The following SPATA9 variants were observed in gnomAD, a reference collection of about 807,000 sequenced individuals.
The protein encoded by SPATA9 is spermatogenesis associated 9.
In SPATA9, 27 loss-of-function variants were observed where a neutral mutation model predicts 25.5. The observed-to-expected ratio is 1.06, with a 90% CI of 0.78 to 1.46. The LOEUF (loss-of-function observed/expected upper bound fraction) is 1.46. Among genes scored for constraint, SPATA9 ranks in the 40% most tolerant of loss-of-function variants. The pLI, the probability that SPATA9 is intolerant of heterozygous loss-of-function variation, is 0.00. For missense variants in SPATA9, 282 were observed against 297.5 expected, an observed-to-expected ratio of 0.95 and a Z score of 0.38; for synonymous variants, 102 against 105.7, an observed-to-expected ratio of 0.97 and a Z score of 0.21.
rs1751842003 is a variant in SPATA9, at chr5:95,666,707, G to A, written c.379-2659C>T. On this transcript the variant is annotated intron_variant, in intron 3 of 4. Transcript: ENST00000274432. ...AAAAGGAAACAATTATCCTAGCAAG[G>A]GTGAGAATTAGTGACTGTAAGGCAG... Among the ~76,000 whole-genome samples the A allele has an allele frequency of 2.0e-5, 3 of 148,296 alleles. No homozygotes were observed. In the Admixed American group the frequency reaches 2.0e-4, roughly 10 times the overall value.
the SPATA9 span, chr5:95,730,811 T>C: frequency 6.7e-6 from 3 of 445,118 alleles, no homozygotes; most frequent in Admixed American, 7.4e-5. Flanking sequence ...TGCAGCAGCA[T>C]GAATGTTGCC....
At chr5:95,717,353 A>C in the SPATA9 span, among the ~76,000 whole-genome samples, 1 of 152,210 alleles carries the variant, frequency 6.6e-6, no homozygotes, top group Admixed American at 6.5e-5. Flanking sequence ...ATTCCTTAAA[A>C]TAAATCTCTC....
chr5:95,658,769 C>T lies in SPATA9; in HGVS notation c.619G>A (p.Glu207Lys), dbSNP rs1338872444. The change falls in exon 5 of 5, where the codon GAA (glutamate) becomes AAA (lysine). Residue 207 changes from glutamate to lysine, a missense_variant. Coordinates refer to ENST00000274432, the MANE Select transcript of SPATA9 (RefSeq NM_031952.4). ...VLSEPMFAEGEIKAKPYRSLP... is the reference protein window; with the variant it reads ...VLSEPMFAEGKIKAKPYRSLP... The stretch of plus-strand genomic sequence containing the variant: ...GACCTATAAGGTTTTGCTTTGATTT[C>T]ACCTTCAGCAAACATAGGCTCCGAA... The T allele has an allele frequency of 6.2e-7, 1 of 1,613,908 alleles. No homozygotes were observed. The highest frequency in any genetic ancestry group is 1.7e-5 in the Admixed American group (1 of 59,992).
the SPATA9 span, among the ~76,000 whole-genome samples, chr5:95,729,573 T>C: frequency 4.6e-5 from 7 of 152,230 alleles, no homozygotes; most frequent in Non-Finnish European, 8.8e-5. Flanking sequence ...TTCAGTTCTA[T>C]AGTTCAGTAT....
chr5:95,682,916 C>A lies in SPATA9; in HGVS notation c.-62G>T. The A allele has an allele frequency of 7.0e-7, 1 of 1,438,148 alleles. No homozygotes were observed. 89.1% of individuals were successfully genotyped at this position (1,438,148 alleles called of 1,614,324 possible). On this transcript the variant is annotated 5_prime_UTR_variant, in exon 1 of 5. In the 5' UTR this introduces an upstream ATG that the reference lacks. Transcript: ENST00000274432. ...CTTGCAGGCCTGGGTAATGCTTGTC[C>A]TAGTCTGCCATTAGTGAAAGATGAG... is the stretch of plus-strand genomic sequence containing the variant.
At chr5:95,690,605 G>T (rs4464720) in intron 1 of SPATA9, among the ~76,000 whole-genome samples, 1 of 151,970 alleles carries the variant, frequency 6.6e-6, no homozygotes. Context: ...CTAATCTAGT[G>T]GTCAATATTG....
the SPATA9 span, among the ~76,000 whole-genome samples, chr5:95,710,235 T>C: frequency 1.3e-5 from 2 of 152,134 alleles, no homozygotes; most frequent in South Asian, 2.1e-4. Flanking sequence ...ATCTTGAAGA[T>C]TGGGTGGGCC....
chr5:95,711,603 G>A, the SPATA9 span, among the ~76,000 whole-genome samples: 156 of 152,292 alleles, frequency 1.0e-3, 2 homozygotes, highest in Middle Eastern at 6.8e-3. Context: ...CACAGGGGAC[G>A]TCGTCAAGGA....
chr5:95,671,667 C>T, intron 3 of SPATA9, among the ~76,000 whole-genome samples: 1 of 152,120 alleles, frequency 6.6e-6, no homozygotes, highest in Non-Finnish European at 1.5e-5. Flanking sequence ...CCTCAGCCTC[C>T]CAAAGTGCTG....
At chr5:95,682,667 A>G (rs770840419) in intron 1 of SPATA9, 51 bp from the exon 2 acceptor site, 1 of 1,536,870 alleles carries the variant, frequency 6.5e-7, no homozygotes, top group East Asian at 2.2e-5. Flanking sequence ...CATCCCCTAA[A>G]TGTTTCAAAA....
the SPATA9 span, among the ~76,000 whole-genome samples, chr5:95,729,851 T>C: frequency 6.6e-6 from 1 of 152,236 alleles, no homozygotes; most frequent in Non-Finnish European, 1.5e-5. Flanking sequence ...AGGAATTTTC[T>C]TCTTTTTTAA....
chr5:95,664,317 T>A (rs1001735921), intron 3 of SPATA9, among the ~76,000 whole-genome samples: 1 of 152,194 alleles, frequency 6.6e-6, no homozygotes, highest in African/African-American at 2.4e-5. Context: ...TTACCAACTG[T>A]GCACACTAGG....
chr5:95,705,912 TC>T, the SPATA9 span, among the ~76,000 whole-genome samples: 1 of 152,192 alleles, frequency 6.6e-6, no homozygotes, highest in African/African-American at 2.4e-5. Flanking sequence ...TTTTTGATAT[TC>T]CAAAAGGATT....
At chr5:95,731,852 C>T in the SPATA9 span, 2 of 1,608,428 alleles carry the variant, frequency 1.2e-6, no homozygotes, top group East Asian at 2.2e-5. Flanking sequence ...CCCCTCTGTC[C>T]GTGCAGGTCC....
chr5:95,666,509 A>G (rs1751817481), intron 3 of SPATA9, among the ~76,000 whole-genome samples: 1 of 152,194 alleles, frequency 6.6e-6, no homozygotes, highest in Non-Finnish European at 1.5e-5. Context: ...TTTTAGTAAA[A>G]TGTCTGTGCA....
chr5:95,683,433 T>C (rs1753615466), upstream of SPATA9, among the ~76,000 whole-genome samples: 1 of 152,224 alleles, frequency 6.6e-6, no homozygotes. Flanking sequence ...ACCCTCCTAG[T>C]ACCCTCACAT....
chr5:95,727,268 C>T, the SPATA9 span, among the ~76,000 whole-genome samples: 1 of 149,826 alleles, frequency 6.7e-6, no homozygotes, highest in Non-Finnish European at 1.5e-5. Context: ...TTCTTCTATG[C>T]AAACCTAGTT....
the SPATA9 span, chr5:95,731,423 C>G: frequency 8.4e-7 from 1 of 1,194,108 alleles, no homozygotes; most frequent in South Asian, 4.0e-5. Flanking sequence ...GCGGCGGTCC[C>G]GCGCCCGGCG....
At chr5:95,720,027 A>G in the SPATA9 span, among the ~76,000 whole-genome samples, 2 of 152,204 alleles carry the variant, frequency 1.3e-5, no homozygotes, top group African/African-American at 2.4e-5. Context: ...AGTGTTTGCT[A>G]CCTATTATAA....
Sources: allele counts gnomAD v4.1 joint callset (sites outside exome capture counted in the v4.1 genomes callset), GRCh38; gene constraint gnomAD v4.1.1; transcripts MANE v1.5; gene names NCBI Gene and HGNC (gene_info 2026-07-23, HGNC 2026-07-21).